USO1: variants seen among roughly 807,000 people sequenced by gnomAD.
USO1 encodes USO1 vesicle transport factor, also known as general vesicular transport factor p115.
USO1 carries 57 observed loss-of-function variants against 124.5 expected under a neutral mutation model. That is an observed-to-expected ratio of 0.46 (90% CI 0.37 to 0.57). The LOEUF is 0.57. USO1 is among the 20% of genes least tolerant of loss of function. USO1 has a pLI of 0.00. For missense variants in USO1, 900 were observed against 1,040.6 expected, an observed-to-expected ratio of 0.86 and a Z score of 1.86; for synonymous variants, 369 against 362.8, an observed-to-expected ratio of 1.02 and a Z score of -0.19.
intron 22 of USO1, among the ~76,000 whole-genome samples, chr4:75,811,945 G>A (rs1327989151): frequency 1.3e-5 from 2 of 152,006 alleles, no homozygotes; most frequent in Non-Finnish European, 2.9e-5. Flanking sequence ...TTTTTTGGAT[G>A]TTAAACTATT....
chr4:75,749,401 TTTG>T (rs1560439757), intron 1 of USO1, among the ~76,000 whole-genome samples: 161 of 151,824 alleles, frequency 1.1e-3, no homozygotes, highest in African/African-American at 3.6e-3. Flanking sequence ...ATACTTTCTT[TTTG>T]TTTTTTTTAA....
intron 3 of USO1, among the ~76,000 whole-genome samples, chr4:75,753,822 C>T (rs1481913738): frequency 1.1e-4 from 15 of 133,532 alleles, no homozygotes; most frequent in East Asian, 4.2e-4. Context: ...CTCGCTCTGT[C>T]GCCCAGGCTG....
intron 17 of USO1, among the ~76,000 whole-genome samples, chr4:75,801,875 A>G (rs991535518): frequency 1.1e-4 from 17 of 152,232 alleles, no homozygotes; most frequent in African/African-American, 4.1e-4. Context: ...GCTGGAGTGC[A>G]GTGGCGCAGT....
chr4:75,802,736 CTTTTTTTTTTTTT>C (rs997798305), intron 17 of USO1, among the ~76,000 whole-genome samples: 3 of 63,738 alleles, frequency 4.7e-5, no homozygotes, highest in South Asian at 7.6e-4. Context: ...TTTTTCTTTT[CTTTTTTTTTTTTT>C]TTTTTTTTTT....
intron 7 of USO1, among the ~76,000 whole-genome samples, chr4:75,774,009 A>G (rs1722005357): frequency 6.6e-6 from 1 of 152,212 alleles, no homozygotes; most frequent in East Asian, 1.9e-4. Context: ...ATAAGCAAAA[A>G]TGGGTAACAG....
chr4:75,761,827 A>G (rs957748339), intron 4 of USO1, among the ~76,000 whole-genome samples: 1 of 152,220 alleles, frequency 6.6e-6, no homozygotes, highest in Admixed American at 6.5e-5. Flanking sequence ...TTGCCTATAT[A>G]TAATAAAAAT....
intron 22 of USO1, 82 bp from the exon 23 acceptor site, chr4:75,812,078 C>T: frequency 6.5e-7 from 1 of 1,533,106 alleles, no homozygotes. Flanking sequence ...AGTGATTTGT[C>T]ATAGAAAGAA....
At chr4:75,738,417 A>G (rs1326858062) in intron 1 of USO1, among the ~76,000 whole-genome samples, 2 of 151,876 alleles carry the variant, frequency 1.3e-5, no homozygotes, top group African/African-American at 4.8e-5. Flanking sequence ...AGATCACTCC[A>G]TTGCACTCCA....
chr4:75,813,095 G>C, intron 23 of USO1, 111 bp from the exon 24 acceptor site: 1 of 1,154,838 alleles, frequency 8.7e-7, no homozygotes, highest in African/African-American at 1.6e-5. Context: ...CCTGGGTAAC[G>C]AGCAAAACTC....
intron 4 of USO1, chr4:75,760,711 T>G (rs542561170): frequency 7.6e-6 from 3 of 393,206 alleles, no homozygotes; most frequent in South Asian, 2.7e-4. Flanking sequence ...AAAAAAAATC[T>G]GAAATTTGTT....
chr4:75,797,863 A>G (rs1722735207), intron 13 of USO1, among the ~76,000 whole-genome samples: 1 of 152,066 alleles, frequency 6.6e-6, no homozygotes, highest in Non-Finnish European at 1.5e-5. Flanking sequence ...GCTGGTCTCG[A>G]ACTCTGGACC....
At chr4:75,777,749 A>C (rs548539019) in intron 8 of USO1, among the ~76,000 whole-genome samples, 1 of 152,356 alleles carries the variant, frequency 6.6e-6, no homozygotes, top group Admixed American at 6.5e-5. Context: ...TGGGAATGCA[A>C]AATGGTACAA....
At chr4:75,802,755 T>G (rs1577972490) in intron 17 of USO1, among the ~76,000 whole-genome samples, 1 of 141,318 alleles carries the variant, frequency 7.1e-6, no homozygotes, top group East Asian at 2.1e-4. Context: ...TTTTTTTTTT[T>G]TTTTTTGAGA....
chr4:75,732,372 G>A (rs1720655943), intron 1 of USO1, among the ~76,000 whole-genome samples: 1 of 152,152 alleles, frequency 6.6e-6, no homozygotes, highest in East Asian at 1.9e-4. Context: ...GTATTCCATG[G>A]CATATATGTA....
chr4:75,741,011 G>A (rs1048636663), intron 1 of USO1, among the ~76,000 whole-genome samples: 21 of 152,134 alleles, frequency 1.4e-4, no homozygotes, highest in African/African-American at 4.3e-4. Context: ...CAGTGTCGGG[G>A]CTAAATTCTG....
At chr4:75,798,505 G>A (rs1380340255) in intron 13 of USO1, among the ~76,000 whole-genome samples, 2 of 152,152 alleles carry the variant, frequency 1.3e-5, no homozygotes, top group Non-Finnish European at 2.9e-5. Flanking sequence ...TAGAGGCAAG[G>A]AAACAGTAAA....
intron 20 of USO1, among the ~76,000 whole-genome samples, chr4:75,807,905 A>C (rs1278235001): frequency 1.3e-5 from 2 of 152,034 alleles, no homozygotes; most frequent in Non-Finnish European, 1.5e-5. Flanking sequence ...TGTATTTTTT[A>C]AGTGACAGTT....
intron 10 of USO1, among the ~76,000 whole-genome samples, chr4:75,787,472 A>C (rs546161988): frequency 1.3e-5 from 2 of 152,284 alleles, no homozygotes; most frequent in Non-Finnish European, 2.9e-5. Context: ...TGTTATATTC[A>C]ACAGGAGTGC....
intron 10 of USO1, among the ~76,000 whole-genome samples, chr4:75,789,220 C>A (rs1722459786): frequency 6.6e-6 from 1 of 152,152 alleles, no homozygotes. Context: ...AAATATACAT[C>A]CTTCAGTTCT....
Sources: gnomAD v4.1 joint callset for allele counts (sites outside exome capture counted in the v4.1 genomes callset) on GRCh38, gnomAD v4.1.1 for gene constraint, MANE v1.5 for transcripts, NCBI Gene and HGNC (gene_info 2026-07-23, HGNC 2026-07-21) for gene names.